Variants in STT3B observed in about 807,000 individuals in gnomAD.
STT3B encodes the protein dolichyl-diphosphooligosaccharide--protein glycosyltransferase subunit STT3B.
Under a neutral mutation model 96.8 loss-of-function variants are expected in STT3B, and 29 were observed. That is an observed-to-expected ratio of 0.30 (90% CI 0.22 to 0.41). The LOEUF (loss-of-function observed/expected upper bound fraction) is 0.41. STT3B is among the 10% of genes least tolerant of loss of function. The pLI, the probability that STT3B is intolerant of heterozygous loss-of-function variation, is 1.00. For missense variants in STT3B, 640 were observed against 1,022.3 expected (o/e 0.63, Z 5.10); for synonymous variants, 367 against 360.0 (o/e 1.02, Z -0.22).
intron 3 of STT3B, among the ~76,000 whole-genome samples, chr3:31,592,048 A>G (rs1014607393): frequency 2.6e-5 from 4 of 152,150 alleles, no homozygotes; most frequent in Non-Finnish European, 4.4e-5. Flanking sequence ...TGCAACCACC[A>G]TCACCACCAT....
chr3:31,583,543 A>G (rs890093307), intron 3 of STT3B, among the ~76,000 whole-genome samples: 5 of 152,110 alleles, frequency 3.3e-5, no homozygotes, highest in Admixed American at 6.5e-5. Context: ...TAGTATAGCC[A>G]TCCCTGCTCT....
chr3:31,532,957 G>A lies in STT3B; in HGVS notation c.-42G>A. On this transcript the variant is annotated 5_prime_UTR_variant, in exon 1 of 16. Transcript: ENST00000295770. Reference sequence around the variant, plus strand: ...CCCAGCACCCCTCGCACCAGGCGGCGGCGGCGGAGGAGGAGAGCTAGACCC... The same window carrying A: ...CCCAGCACCCCTCGCACCAGGCGGCAGCGGCGGAGGAGGAGAGCTAGACCC... 1 of 1,553,868 alleles carries A rather than the reference G, an allele frequency of 6.4e-7. No homozygotes were observed. The highest frequency in any genetic ancestry group is 8.7e-7 in the Non-Finnish European group (1 of 1,153,880).
chr3:31,535,357 C>G (rs1287779622), intron 1 of STT3B, among the ~76,000 whole-genome samples: 1 of 147,252 alleles, frequency 6.8e-6, no homozygotes, highest in Non-Finnish European at 1.5e-5. Context: ...TTTAGTGTAG[C>G]TAAGTATTAA....
At position 31,619,766 on chromosome 3, in the gene STT3B, T is replaced by C; in HGVS notation, c.1263T>C (p.Leu421=). The C allele has an allele frequency of 6.2e-7, 1 of 1,613,802 alleles. No homozygotes were observed. The highest frequency in any genetic ancestry group is 8.5e-7 in the Non-Finnish European group (1 of 1,179,770). ...CTTTCTTCTTTGATCTACATATTCT[T>C]GTATGTACCTTCCCAGCAGGCCTTT... The part of the protein sequence containing the change: ...WVSFFFDLHI[L]VCTFPAGLWF... The change falls in exon 9 of 16, where the codon CTT becomes CTC. Residue 421 remains leucine (L), a synonymous_variant. Transcript: ENST00000295770.
At chr3:31,550,402 T>C (rs1334484141) in intron 1 of STT3B, among the ~76,000 whole-genome samples, 1 of 152,232 alleles carries the variant, frequency 6.6e-6, no homozygotes, top group East Asian at 1.9e-4. Flanking sequence ...GCTTATGACA[T>C]GCTCTCTGCT....
chr3:31,569,072 CGAT>C (rs1264978396), intron 1 of STT3B, among the ~76,000 whole-genome samples: 3 of 152,048 alleles, frequency 2.0e-5, no homozygotes, highest in Non-Finnish European at 4.4e-5. Context: ...AACAGTGGTG[CGAT>C]TATAGCTCAC....
chr3:31,628,140 G>A (rs756623014), intron 13 of STT3B, among the ~76,000 whole-genome samples: 3 of 138,090 alleles, frequency 2.2e-5, no homozygotes, highest in Non-Finnish European at 4.6e-5. Context: ...TAATTAGATC[G>A]ATGTAGCCAT....
At chr3:31,585,409 G>A (rs550847171) in intron 3 of STT3B, among the ~76,000 whole-genome samples, 6 of 152,084 alleles carry the variant, frequency 3.9e-5, no homozygotes, top group Non-Finnish European at 8.8e-5. Flanking sequence ...ATTAATACAT[G>A]TAAAGGTATA....
rs1184957363 is a variant in STT3B, at chr3:31,637,079, T to C, written c.*1015T>C. ...CTTAAGCATTTGATGAAACACTCTT[T>C]AGTGCTATATGCATTTTCTTACTTT... On this transcript the variant is annotated 3_prime_UTR_variant, in exon 16 of 16. Coordinates refer to ENST00000295770, the MANE Select transcript of STT3B (RefSeq NM_178862.3). 1 of 152,216 alleles carries C rather than the reference T, an allele frequency of 6.6e-6. No individual in the cohort carries two copies. The highest frequency in any genetic ancestry group is 2.4e-5 in the African/African-American group (1 of 41,458). 9.4% of individuals were successfully genotyped at this position (152,216 alleles called of 1,614,324 possible).
chr3:31,574,134 A>C (rs991812894), intron 1 of STT3B, among the ~76,000 whole-genome samples: 8 of 152,142 alleles, frequency 5.3e-5, no homozygotes, highest in Admixed American at 3.9e-4. Context: ...GAAAATTTAA[A>C]ACCTTGGTAT....
intron 1 of STT3B, among the ~76,000 whole-genome samples, chr3:31,561,486 C>T (rs905138380): frequency 6.6e-6 from 1 of 152,032 alleles, no homozygotes; most frequent in African/African-American, 2.4e-5. Flanking sequence ...CATAGTCACC[C>T]TATTGTGCTA....
At chr3:31,538,089 C>T (rs923921083) in intron 1 of STT3B, among the ~76,000 whole-genome samples, 2 of 152,046 alleles carry the variant, frequency 1.3e-5, no homozygotes, top group African/African-American at 4.8e-5. Flanking sequence ...TTCAAATGCA[C>T]AAGAAAGTTG....
chr3:31,566,428 G>T (rs1047630968), intron 1 of STT3B, among the ~76,000 whole-genome samples: 2 of 152,154 alleles, frequency 1.3e-5, no homozygotes, highest in African/African-American at 2.4e-5. Context: ...GTGTGTATGT[G>T]TGTGATGATT....
chr3:31,578,775 A>G (rs1439569129), intron 2 of STT3B, among the ~76,000 whole-genome samples: 1 of 151,972 alleles, frequency 6.6e-6, no homozygotes, highest in African/African-American at 2.4e-5. Context: ...ATTTCCTGCT[A>G]TTCTGGAGCT....
chr3:31,541,480 T>G (rs1378746845), intron 1 of STT3B, among the ~76,000 whole-genome samples: 2 of 151,836 alleles, frequency 1.3e-5, no homozygotes, highest in Non-Finnish European at 2.9e-5. Flanking sequence ...TTGTTTTTTT[T>G]TTTTTTTGGC....
At chr3:31,625,645 C>T (rs1177489294) in intron 12 of STT3B, among the ~76,000 whole-genome samples, 2 of 152,144 alleles carry the variant, frequency 1.3e-5, no homozygotes, top group Non-Finnish European at 2.9e-5. Context: ...CCAGCCCTGG[C>T]CTGCGGTTGT....
intron 1 of STT3B, among the ~76,000 whole-genome samples, chr3:31,534,231 G>T (rs557762962): frequency 1.6e-4 from 25 of 152,332 alleles, no homozygotes; most frequent in African/African-American, 4.6e-4. Flanking sequence ...GTCCTAGATT[G>T]TAATACCGAA....
At chr3:31,567,769 C>G (rs1698038952) in intron 1 of STT3B, among the ~76,000 whole-genome samples, 1 of 152,030 alleles carries the variant, frequency 6.6e-6, no homozygotes, top group South Asian at 2.1e-4. Context: ...TGTTTTGGTA[C>G]AGGCATACAA....
At position 31,633,159 on chromosome 3, in the gene STT3B, G is replaced by T. The variant is rs759734824; in HGVS notation, c.2400+12G>T. 3 of 1,611,214 alleles carry T rather than the reference G, an allele frequency of 1.9e-6. No individual in the cohort carries two copies. Among genetic ancestry groups the T allele is most frequent in the African/African-American group, 2.7e-5 (2 of 74,938 alleles). ...ATTTGTCAAAGAAGGTGGGTGCCAAGTGAAGGCATTAAAGGGTAACTTAAG... is the reference window on the plus strand; with the variant it reads ...ATTTGTCAAAGAAGGTGGGTGCCAATTGAAGGCATTAAAGGGTAACTTAAG... On this transcript the variant is annotated intron_variant, in intron 15 of 15. Transcript: ENST00000295770.
Sources: gnomAD v4.1 joint callset for allele counts (sites outside exome capture counted in the v4.1 genomes callset) on GRCh38, gnomAD v4.1.1 for gene constraint, MANE v1.5 for transcripts, NCBI Gene and HGNC (gene_info 2026-07-23, HGNC 2026-07-21) for gene names.